INPP5F: variants seen among roughly 807,000 people sequenced by gnomAD.
INPP5F encodes the protein phosphatidylinositide 4-phosphatase SAC2.
INPP5F carries 97 observed loss-of-function variants against 137.2 expected under a neutral mutation model. The ratio of observed to expected loss-of-function variants is 0.71; its 90% CI spans 0.60 to 0.84. INPP5F has a LOEUF of 0.84. Among genes scored for constraint, INPP5F ranks in the 40% least tolerant of loss-of-function variants. The pLI, the probability that INPP5F is intolerant of heterozygous loss-of-function variation, is 0.00. For synonymous variants in INPP5F, 504 were observed against 476.9 expected, an observed-to-expected ratio of 1.06 and a Z score of -0.74; for missense variants, 1,271 against 1,371.9, an observed-to-expected ratio of 0.93 and a Z score of 1.16.
Position 119,726,304 on chromosome 10 carries a change from G to C in INPP5F, c.42G>C (p.Gln14His). ...CCAAGGACCACTACATCCTGCAGCA[G>C]GGCGAGCGCGCGCTGTGGTGCAGCC... Reference protein sequence around the residue: ...FQAKDHYILQQGERALWCSRR... With the variant: ...FQAKDHYILQHGERALWCSRR... The change falls in exon 1 of 20, where the codon CAG (glutamine) becomes CAC (histidine). Residue 14 changes from glutamine to histidine, a missense_variant. Around this residue, in one of 6 missense-constraint regions of INPP5F, gnomAD observed 109 missense variants for 105.1 expected, o/e 1.04. Coordinates refer to ENST00000650623, the MANE Select transcript of INPP5F (RefSeq NM_014937.4). 1 of 1,488,160 alleles carries C rather than the reference G, an allele frequency of 6.7e-7. No homozygotes were observed. The highest frequency in any genetic ancestry group is 8.9e-7 in the Non-Finnish European group (1 of 1,118,084). 92.2% of individuals were successfully genotyped at this position (1,488,160 alleles called of 1,614,324 possible). A position where few individuals can be genotyped will look rare whatever the true frequency, so the allele number is the denominator to read the frequency against.
At chr10:119,796,444 A>C (rs977867310) in intron 6 of INPP5F, among the ~76,000 whole-genome samples, 11 of 152,210 alleles carry the variant, frequency 7.2e-5, no homozygotes, top group Non-Finnish European at 1.5e-4. Flanking sequence ...AGCGACGGCA[A>C]GGGTGACTCC....
In INPP5F at chr10:119,738,896, C is replaced by G. The variant is rs181683856; in HGVS notation, c.98-12180C>G. The stretch of plus-strand genomic sequence containing the variant: ...AAAAATTTCAGGATAATTTAAATTG[C>G]CCAGGCCAGGCATGGTGGCTCATGC... On this transcript the variant is annotated intron_variant, in intron 1 of 19. Coordinates refer to ENST00000650623, the MANE Select transcript of INPP5F (RefSeq NM_014937.4). Among the ~76,000 whole-genome samples, 6 of 152,072 alleles carry G rather than the reference C, an allele frequency of 3.9e-5. No individual in the cohort carries two copies. In the East Asian group the frequency reaches 1.2e-3, roughly 29 times the overall value.
chr10:119,823,130 T>TA lies in INPP5F; in HGVS notation c.2093dup (p.Tyr698Ter). 1 of 1,614,138 alleles carries TA rather than the reference T, an allele frequency of 6.2e-7. No homozygotes were observed. Among genetic ancestry groups the TA allele is most frequent in the Non-Finnish European group, 8.5e-7 (1 of 1,179,974 alleles). ...KFSCMRLHYRYKEASGYFHTL... is the reference protein window; with the variant it reads ...KFSCMRLHYR ...CTCCTGCATGCGACTGCACTACAGATACAAAGAAGCGAGTGGCTATTTCCA... is the reference window on the plus strand; with the variant it reads ...CTCCTGCATGCGACTGCACTACAGATAACAAAGAAGCGAGTGGCTATTTCCA... Residue 698 changes from tyrosine (Y) to a stop codon, truncating the protein, a stop_gained and frameshift_variant, in exon 18 of 20, where the codon TAC becomes TAAC. Coordinates refer to ENST00000650623, the MANE Select transcript of INPP5F (RefSeq NM_014937.4). LOFTEE classifies it high-confidence loss of function.
At position 119,827,417 on chromosome 10, in the gene INPP5F, G is replaced by C. The variant is rs563867547; in HGVS notation, c.3036G>C (p.Ser1012=). ...CAGAACAGACACCTTCTCGGCCATC[G>C]CAATTAGATGTCTCTCTTTCTGCAA... ...ESTEQTPSRP[S]QLDVSLSATG... The change falls in exon 20 of 20, where the codon TCG becomes TCC. Residue 1012 remains serine, a synonymous_variant. Coordinates refer to ENST00000650623, the MANE Select transcript of INPP5F (RefSeq NM_014937.4). The C allele has an allele frequency of 6.2e-7, 1 of 1,614,170 alleles. No homozygotes were observed. Among genetic ancestry groups the C allele is most frequent in the South Asian group, 1.1e-5 (1 of 91,086 alleles).
At chr10:119,738,552 G>T (rs1264854521) in intron 1 of INPP5F, among the ~76,000 whole-genome samples, 1 of 152,104 alleles carries the variant, frequency 6.6e-6, no homozygotes, top group Non-Finnish European at 1.5e-5. Context: ...TGCTGCATAT[G>T]CCTGGAATAA....
In INPP5F at chr10:119,827,297, C is replaced by G. The variant is rs527461450; in HGVS notation, c.2916C>G (p.Thr972=). 1.1e-5 allele frequency: 18 copies of G among 1,614,116 alleles called. No individual in the cohort carries two copies. The Admixed American group carries it at 2.5e-4, about 22-fold the overall frequency. Residue 972 remains threonine (T), a synonymous_variant, in exon 20 of 20, where the codon ACC becomes ACG. Coordinates refer to ENST00000650623, the MANE Select transcript of INPP5F (RefSeq NM_014937.4). ...TGCAAGATGCACAGAACAAAGTGAC[C>G]CACCTATCAGAGACCAGATCTGTGT... The part of the protein sequence containing the change: ...RFVQDAQNKV[T]HLSETRSVSQ...
chr10:119,820,742 C>G (rs1851527712), intron 15 of INPP5F, 104 bp from the exon 16 acceptor site: 2 of 824,180 alleles, frequency 2.4e-6, no homozygotes, highest in South Asian at 2.8e-5. Context: ...TTTCCCTCCC[C>G]CTGGCCAATT....
chr10:119,732,736 G>C (rs1227136397), intron 1 of INPP5F, among the ~76,000 whole-genome samples: 1 of 151,988 alleles, frequency 6.6e-6, no homozygotes, highest in Non-Finnish European at 1.5e-5. Context: ...CCTGACCTCA[G>C]ATGATCTGCC....
At chr10:119,737,742 A>G (rs1414043556) in intron 1 of INPP5F, among the ~76,000 whole-genome samples, 2 of 152,268 alleles carry the variant, frequency 1.3e-5, no homozygotes, top group Non-Finnish European at 2.9e-5. Context: ...TAAAGCATAA[A>G]TGAGCTAACA....
At chr10:119,755,132 A>G (rs1478595147) in intron 2 of INPP5F, among the ~76,000 whole-genome samples, 1 of 152,218 alleles carries the variant, frequency 6.6e-6, no homozygotes, top group African/African-American at 2.4e-5. Context: ...ACTGTCACTG[A>G]ACTCTGAGCT....
Position 119,827,436 on chromosome 10 carries a change from T to G in INPP5F, c.3055T>G (p.Ser1019Ala). 1 of 1,614,206 alleles carries G rather than the reference T, an allele frequency of 6.2e-7. No individual in the cohort carries two copies. The highest frequency in any genetic ancestry group is 8.5e-7 in the Non-Finnish European group (1 of 1,180,026). ...SRPSQLDVSL[S>A]ATGPQFLSVE... ...GCCATCGCAATTAGATGTCTCTCTT[T>G]CTGCAACAGGCCCACAGTTTTTGTC... The change falls in exon 20 of 20, where the codon TCT (serine) becomes GCT (alanine). Residue 1019 changes from serine (S) to alanine (A), a missense_variant. This residue lies in a region of INPP5F where 490 missense variants were observed against 443.7 expected (regional missense o/e 1.10). Transcript: ENST00000650623.
intron 2 of INPP5F, among the ~76,000 whole-genome samples, chr10:119,757,399 G>A (rs1030463605): frequency 3.9e-5 from 6 of 151,940 alleles, no homozygotes; most frequent in Non-Finnish European, 8.8e-5. Context: ...CAGAAAGTAG[G>A]AGGGATGTGT....
At position 119,796,808 on chromosome 10, in the gene INPP5F, G is replaced by A. The variant is rs752699934; in HGVS notation, c.763G>A (p.Glu255Lys). 1 of 1,613,424 alleles carries A rather than the reference G, an allele frequency of 6.2e-7. No homozygotes were observed. The change falls in exon 7 of 20, where the codon GAG becomes AAG. Residue 255 changes from glutamate (E) to lysine (K), a missense_variant. Physicochemically the swap from Glu to Lys is moderately conservative, Grantham distance 56. This residue lies in a region of INPP5F where 593 missense variants were observed against 712.4 expected (regional missense o/e 0.83). Coordinates refer to ENST00000650623, the MANE Select transcript of INPP5F (RefSeq NM_014937.4). Reference sequence around the variant, plus strand: ...TAATTATACCGAATCATCTGATGATGAGAAAAGCAGCCCAGAGACCCCCCC... The same window carrying A: ...TAATTATACCGAATCATCTGATGATAAGAAAAGCAGCCCAGAGACCCCCCC... ...VVNYTESSDD[E>K]KSSPETPPQE...
chr10:119,788,589 A>G (rs1377974549), intron 3 of INPP5F, among the ~76,000 whole-genome samples: 4 of 152,154 alleles, frequency 2.6e-5, no homozygotes, highest in African/African-American at 4.8e-5. Flanking sequence ...ATCAGACTAT[A>G]GTCCTTACAG....
At chr10:119,760,291 A>T (rs1332797024) in intron 2 of INPP5F, among the ~76,000 whole-genome samples, 2 of 152,036 alleles carry the variant, frequency 1.3e-5, no homozygotes, top group African/African-American at 4.8e-5. Flanking sequence ...GAGGGGAGGA[A>T]AGCTGGGTGC....
At chr10:119,780,707 T>G (rs1474210050) in intron 2 of INPP5F, among the ~76,000 whole-genome samples, 2 of 152,242 alleles carry the variant, frequency 1.3e-5, no homozygotes, top group African/African-American at 4.8e-5. Flanking sequence ...TTGGAAAAGA[T>G]GGTTGCATCT....
At chr10:119,769,909 A>G (rs1307236979) in intron 2 of INPP5F, among the ~76,000 whole-genome samples, 1 of 151,654 alleles carries the variant, frequency 6.6e-6, no homozygotes, top group East Asian at 1.9e-4. Flanking sequence ...CCAATAATAA[A>G]TCTCCTCTCA....
intron 2 of INPP5F, among the ~76,000 whole-genome samples, chr10:119,760,736 T>TA (rs2134140798): frequency 6.6e-6 from 1 of 152,352 alleles, no homozygotes; most frequent in South Asian, 2.1e-4. Flanking sequence ...GCAGGTCTGT[T>TA]ACAGCCCGTG....
At position 119,733,414 on chromosome 10, in the gene INPP5F, CA is replaced by C. The variant is rs1848141963; in HGVS notation, c.97+7056del. Among the ~76,000 whole-genome samples the C allele has an allele frequency of 2.6e-5, 4 of 152,144 alleles. No homozygotes were observed. In the South Asian group the frequency reaches 8.3e-4, roughly 31 times the overall value. ...CTGCAGTTTGGGAAGGGAATAGATA[CA>C]GGGGAGATCTTTGAGCAGATGCATT... On this transcript the variant is annotated intron_variant, in intron 1 of 19. Transcript: ENST00000650623.
Sources: gnomAD v4.1 joint callset for allele counts (sites outside exome capture counted in the v4.1 genomes callset) on GRCh38, gnomAD v4.1.1 for gene constraint, gnomAD v4.1.1 regional missense constraint, MANE v1.5 for transcripts, NCBI Gene and HGNC (gene_info 2026-07-23, HGNC 2026-07-21) for gene names.